GARNL3: variants seen among roughly 807,000 people sequenced by gnomAD.
The protein encoded by GARNL3 is GTPase-activating Rap/Ran-GAP domain-like protein 3.
A neutral mutation model predicts 125.0 loss-of-function variants in GARNL3; 63 were observed. That is an observed-to-expected ratio of 0.50 (90% CI 0.41 to 0.62). The LOEUF (loss-of-function observed/expected upper bound fraction) is 0.62, where lower values mean the gene tolerates loss of function less well. Among genes scored for constraint, GARNL3 ranks in the 20% least tolerant of loss-of-function variants. The pLI, the probability that GARNL3 is intolerant of heterozygous loss-of-function variation, is 0.00. For synonymous variants in GARNL3, 439 were observed against 457.5 expected (o/e 0.96, Z 0.52); for missense variants, 994 against 1,244.0 (o/e 0.80, Z 3.02).
chr9:127,249,254 G>A (rs1169168757), intron 2 of GARNL3, among the ~76,000 whole-genome samples: 1 of 152,072 alleles, frequency 6.6e-6, no homozygotes, highest in African/African-American at 2.4e-5. Flanking sequence ...TGACAGGGTG[G>A]AATTCTACAA....
intron 2 of GARNL3, among the ~76,000 whole-genome samples, chr9:127,245,693 G>C (rs903218041): frequency 2.0e-5 from 3 of 152,210 alleles, no homozygotes; most frequent in African/African-American, 7.2e-5. Flanking sequence ...GATCACCTGT[G>C]TACCAGGCAC....
chr9:127,298,969 GA>G (rs975284725), intron 2 of GARNL3, among the ~76,000 whole-genome samples: 39 of 152,116 alleles, frequency 2.6e-4, no homozygotes, highest in African/African-American at 9.4e-4. Context: ...ATAGTCAACA[GA>G]AATGCTTCCC....
chr9:127,358,441 C>T (rs578176709), intron 21 of GARNL3, among the ~76,000 whole-genome samples: 1 of 152,224 alleles, frequency 6.6e-6, no homozygotes. Context: ...CCACAGGCTA[C>T]CTCCAGTCCT....
chr9:127,267,118 G>A lies in GARNL3; in HGVS notation c.144+2097G>A, dbSNP rs944941977. Among the ~76,000 whole-genome samples, 3 of 152,280 alleles carry A rather than the reference G, an allele frequency of 2.0e-5. No individual in the cohort carries two copies. The East Asian group carries it at 5.8e-4, about 29-fold the overall frequency. The stretch of plus-strand genomic sequence containing the variant: ...TCATACTTTAAGAAGCTCTGCCTTA[G>A]AGGACCTCAGCTAGGTCATCAGTTA... On this transcript the variant is annotated intron_variant, in intron 1 of 27. Transcript: ENST00000373387.
Position 127,391,533 on chromosome 9 carries a change from A to AAAAAAAAAAAAAAAAAAAAATATATATAT in GARNL3, c.2870+767_2870+768insAAAAAAAAAAAAAAAAAAATATATATATA. ...GCAAGACCCATCTCTACAAAAAAAA[A>AAAAAAAAAAAAAAAAAAAAATATATATAT]ATATATATATATATATATAGGCTGG... On this transcript the variant is annotated intron_variant, in intron 27 of 27. Coordinates refer to ENST00000373387, the MANE Select transcript of GARNL3 (RefSeq NM_032293.5). 3.5e-3 allele frequency among the ~76,000 whole-genome samples: 262 copies of AAAAAAAAAAAAAAAAAAAAATATATATAT among 75,420 alleles called. 3 individuals are homozygous for AAAAAAAAAAAAAAAAAAAAATATATATAT. The highest frequency in any genetic ancestry group is 6.5e-3 in the Non-Finnish European group (201 of 31,126). 49.5% of individuals were successfully genotyped at this position (75,420 alleles called of 152,430 possible).
At chr9:127,276,535 C>T (rs1372593854) in intron 1 of GARNL3, among the ~76,000 whole-genome samples, 2 of 152,194 alleles carry the variant, frequency 1.3e-5, no homozygotes, top group Non-Finnish European at 2.9e-5. Context: ...ATATTGAGTC[C>T]AGATTTCTAT....
At chr9:127,248,269 CT>C (rs2063337258) in intron 2 of GARNL3, among the ~76,000 whole-genome samples, 1 of 152,194 alleles carries the variant, frequency 6.6e-6, no homozygotes, top group Non-Finnish European at 1.5e-5. Context: ...TCCTCTCTCC[CT>C]TTTGGGATCT....
chr9:127,277,836 A>G (rs1420885464), intron 1 of GARNL3, among the ~76,000 whole-genome samples: 1 of 152,152 alleles, frequency 6.6e-6, no homozygotes, highest in African/African-American at 2.4e-5. Flanking sequence ...ATCTTTCACT[A>G]TCTAGAACCC....
In GARNL3 at chr9:127,387,034, C is replaced by G. The variant is rs1471464027; in HGVS notation, c.2389-159C>G. On this transcript the variant is annotated intron_variant, in intron 24 of 27. Coordinates refer to ENST00000373387, the MANE Select transcript of GARNL3 (RefSeq NM_032293.5). ...GTAACTAGCCACGCTGGGCTTTCCT[C>G]CAGAAGGCTCTCTCCATCCCTCGCC... The G allele has an allele frequency of 1.3e-5, 8 of 638,970 alleles. No individual in the cohort carries two copies. In the East Asian group the frequency reaches 2.3e-4, roughly 18 times the overall value. 39.6% of individuals were successfully genotyped at this position (638,970 alleles called of 1,614,324 possible).
chr9:127,333,200 C>A, intron 9 of GARNL3, 79 bp downstream of exon 9: 3 of 1,121,742 alleles, frequency 2.7e-6, no homozygotes, highest in African/African-American at 1.5e-5. Context: ...TGAACTTATA[C>A]CAGAGAAGGG....
rs776676152 is a variant in GARNL3 at position 127,384,559 on chromosome 9, C to A, written c.2270-468C>A. 6.6e-6 allele frequency among the ~76,000 whole-genome samples: 1 copy of A among 152,184 alleles called. No homozygotes were observed. The highest frequency in any genetic ancestry group is 2.4e-5 in the African/African-American group (1 of 41,448). On this transcript the variant is annotated intron_variant, in intron 23 of 27. Coordinates refer to ENST00000373387, the MANE Select transcript of GARNL3 (RefSeq NM_032293.5). The surrounding 1 kb of genome is among the most constrained non-coding windows in gnomAD (Gnocchi z 4.0). ...GAATAAGATGCAGCCCCGGCTCAGA[C>A]GTGCAGCTGGAGGAGCACATGGGAG...
chr9:127,335,458 A>T (rs1588880483), intron 10 of GARNL3, 125 bp downstream of exon 10: 1 of 749,258 alleles, frequency 1.3e-6, no homozygotes, highest in Admixed American at 2.1e-5. Context: ...CAATTTAGGG[A>T]TGCTTTTGGC....
At chr9:127,227,355 C>T (rs774743524) in intron 1 of GARNL3, among the ~76,000 whole-genome samples, 2 of 152,116 alleles carry the variant, frequency 1.3e-5, no homozygotes, top group Non-Finnish European at 2.9e-5. Flanking sequence ...AATCCCAGTA[C>T]TTTGGGAGGC....
chr9:127,264,728 G>C, upstream of GARNL3: 2 of 1,253,596 alleles, frequency 1.6e-6, no homozygotes, highest in South Asian at 7.5e-5. Flanking sequence ...TATACTTCCA[G>C]GGATGACTCT....
chr9:127,237,043 A>G (rs967729194), intron 1 of GARNL3, among the ~76,000 whole-genome samples: 5 of 152,212 alleles, frequency 3.3e-5, no homozygotes, highest in Admixed American at 6.5e-5. Flanking sequence ...TATAAGCAGT[A>G]AGGGATGTTG....
At chr9:127,244,274 G>T (rs2063256272) in intron 2 of GARNL3, among the ~76,000 whole-genome samples, 1 of 152,172 alleles carries the variant, frequency 6.6e-6, no homozygotes, top group Non-Finnish European at 1.5e-5. Flanking sequence ...TCACCTGCTG[G>T]AGGACAGGGA....
chr9:127,378,648 A>G (rs1832073546), intron 22 of GARNL3, among the ~76,000 whole-genome samples: 1 of 152,018 alleles, frequency 6.6e-6, no homozygotes, highest in Admixed American at 6.6e-5. Context: ...AGAGAAGGAT[A>G]TGAGCAGATA....
upstream of GARNL3, among the ~76,000 whole-genome samples, chr9:127,261,276 G>A (rs1377026088): frequency 6.6e-6 from 1 of 151,762 alleles, no homozygotes; most frequent in Non-Finnish European, 1.5e-5. Flanking sequence ...AATCTTCTAT[G>A]TGGTCATTTA....
chr9:127,318,916 G>A (rs959299186), intron 5 of GARNL3, among the ~76,000 whole-genome samples: 1 of 152,190 alleles, frequency 6.6e-6, no homozygotes, highest in Non-Finnish European at 1.5e-5. Flanking sequence ...GAAGTGAAGG[G>A]ATCTGACAAA....
Sources: allele counts gnomAD v4.1 joint callset (sites outside exome capture counted in the v4.1 genomes callset), GRCh38; gene constraint gnomAD v4.1.1; non-coding constraint Gnocchi (gnomAD v3.1); transcripts MANE v1.5; gene names NCBI Gene and HGNC (gene_info 2026-07-23, HGNC 2026-07-21).